Variants in ALPP observed in about 807,000 individuals in gnomAD.
The protein encoded by ALPP is alkaline phosphatase, placental type.
In ALPP, 39 loss-of-function variants were observed where a neutral mutation model predicts 50.7. That is an observed-to-expected ratio of 0.77 (90% CI 0.60 to 1.00). The LOEUF is 1.00. Among genes scored for constraint, ALPP ranks in the 50% least tolerant of loss-of-function variants. ALPP has a pLI of 0.00. For missense variants in ALPP, 550 were observed against 746.8 expected (o/e 0.74, Z 3.07); for synonymous variants, 226 against 320.3 (o/e 0.71, Z 3.14).
chr2:232,381,416 G>T lies in ALPP; in HGVS notation c.1309+49G>T, dbSNP rs765912226. 165 of 1,613,384 alleles carry T rather than the reference G, an allele frequency of 1.0e-4. 7 individuals carry two copies. In the South Asian group the frequency reaches 1.3e-3, roughly 12 times the overall value. On this transcript the variant is annotated intron_variant, in intron 10 of 10. Coordinates refer to ENST00000392027, the MANE Select transcript of ALPP (RefSeq NM_001632.5). ...TGAGGGGGACCAGGGTGCCAAGGAT[G>T]GGGGGCTGGCGGGAAGGGGTCACCT...
Position 232,379,646 on chromosome 2 carries a change from G to T in ALPP, c.443G>T (p.Gly148Val). Reference sequence around the variant, plus strand: ...TTTAACCAGTGCAACACGACACGCGGCAACGAGGTCATCTCCGTGATGAAT... The same window carrying T: ...TTTAACCAGTGCAACACGACACGCGTCAACGAGGTCATCTCCGTGATGAAT... ...ARFNQCNTTR[G>V]NEVISVMNRA... Residue 148 changes from glycine to valine, a missense_variant, in exon 4 of 11, where the codon GGC (glycine) becomes GTC (valine). Around this residue, in one of 5 missense-constraint regions of ALPP, gnomAD observed 376 missense variants for 388.5 expected, o/e 0.97. Coordinates refer to ENST00000392027, the MANE Select transcript of ALPP (RefSeq NM_001632.5). 5.0e-6 allele frequency: 8 copies of T among 1,613,908 alleles called. No homozygotes were observed. Among genetic ancestry groups the T allele is most frequent in the Non-Finnish European group, 6.8e-6 (8 of 1,179,966 alleles).
chr2:232,379,926 T>C lies in ALPP; in HGVS notation c.647T>C (p.Met216Thr), dbSNP rs781328476. The change falls in exon 5 of 11, where the codon ATG becomes ACG. Residue 216 changes from methionine to threonine, a missense_variant. Met to Thr is a moderately conservative substitution (Grantham distance 81). This residue lies in a region of ALPP where 376 missense variants were observed against 388.5 expected (regional missense o/e 0.97). Transcript: ENST00000392027. The part of the protein sequence containing the change: ...QDIATQLISN[M>T]DIDVILGGGR... ...ATCGCTACGCAGCTCATCTCCAACA[T>C]GGACATTGACGTGCGACCCCCAGGC... 1.2e-6 allele frequency: 2 copies of C among 1,608,194 alleles called. No individual in the cohort carries two copies. The highest frequency in any genetic ancestry group is 1.7e-5 in the Admixed American group (1 of 59,798).
Position 232,381,594 on chromosome 2 carries a change from C to T in ALPP, c.1407C>T (p.His469=), listed in dbSNP as rs776123736. 6.2e-7 allele frequency: 1 copy of T among 1,612,604 alleles called. No homozygotes were observed. Among genetic ancestry groups the T allele is most frequent in the South Asian group, 1.1e-5 (1 of 90,864 alleles). Residue 469 remains histidine, a synonymous_variant, in exon 11 of 11, where the codon CAC becomes CAT. Transcript: ENST00000392027. ...VAVFARGPQA[H]LVHGVQEQTF... ...TGTTCGCGCGCGGCCCGCAGGCGCA[C>T]CTGGTTCACGGCGTGCAGGAGCAGA...
Position 232,379,948 on chromosome 2 carries a change from A to G in ALPP, c.657+12A>G, listed in dbSNP as rs552753986. The stretch of plus-strand genomic sequence containing the variant: ...ACATGGACATTGACGTGCGACCCCC[A>G]GGCCAAGGGCTGGGGCTGGGCAGAG... On this transcript the variant is annotated intron_variant, in intron 5 of 10. Coordinates refer to ENST00000392027, the MANE Select transcript of ALPP (RefSeq NM_001632.5). The G allele has an allele frequency of 4.4e-5, 70 of 1,597,372 alleles. No individual in the cohort carries two copies. The highest frequency in any genetic ancestry group is 2.2e-4 in the South Asian group (19 of 87,148).
chr2:232,381,824 C>T lies in ALPP; in HGVS notation c.*29C>T. 1 of 1,539,958 alleles carries T rather than the reference C, an allele frequency of 6.5e-7. No individual in the cohort carries two copies. Among genetic ancestry groups the T allele is most frequent in the Non-Finnish European group, 8.7e-7 (1 of 1,149,618 alleles). On this transcript the variant is annotated 3_prime_UTR_variant, in exon 11 of 11. Transcript: ENST00000392027. ...TCCCGTCCCTGGGGCTCCTGCTTCC[C>T]CATCCCGGAGTTCTCCTGCTCCCCA...
chr2:232,382,066 A>G lies in ALPP; in HGVS notation c.*271A>G. The G allele has an allele frequency of 1.7e-6, 1 of 602,572 alleles. No individual in the cohort carries two copies. The highest frequency in any genetic ancestry group is 3.1e-5 in the Admixed American group (1 of 32,216). The allele number at this position is 602,572 out of a possible 1,614,324, so 37.3% of individuals were successfully genotyped here. A position where few individuals can be genotyped will look rare whatever the true frequency, so the allele number is the denominator to read the frequency against. ...TGCACCCCAGGAAAGGAGGGGGCTC[A>G]GGCCATCCAGCCACCACCTACAGCC... On this transcript the variant is annotated 3_prime_UTR_variant, in exon 11 of 11. Transcript: ENST00000392027.
At chr2:232,380,007 G>T in intron 5 of ALPP, 71 bp downstream of exon 5, 1 of 1,563,024 alleles carries the variant, frequency 6.4e-7, no homozygotes, top group South Asian at 1.2e-5. Context: ...TCAGACCCAG[G>T]CAACCAAAAG....
intron 7 of ALPP, 47 bp from the exon 8 acceptor site, chr2:232,380,576 C>T (rs1372062687): frequency 5.6e-6 from 9 of 1,613,788 alleles, no homozygotes; most frequent in Admixed American, 5.0e-5. Flanking sequence ...CGCCAGCACC[C>T]GCCCACCCCC....
Position 232,378,811 on chromosome 2 carries a change from G to A in ALPP, c.9G>A (p.Gly3=). The change falls in exon 1 of 11, where the codon GGG becomes GGA. Residue 3 remains glycine (G), a synonymous_variant. Transcript: ENST00000392027. ...CCTGCTGCCCTCCAGACATGCTGGG[G>A]CCCTGCATGCTGCTGCTGCTGCTGC... ML[G]PCMLLLLLLL... is the part of the protein sequence containing the mutation. 1 of 1,614,034 alleles carries A rather than the reference G, an allele frequency of 6.2e-7. No homozygotes were observed. Among genetic ancestry groups the A allele is most frequent in the South Asian group, 1.1e-5 (1 of 91,062 alleles).
At chr2:232,379,400 C>T (rs1696660827) in intron 3 of ALPP, 85 bp downstream of exon 3, 2 of 1,589,332 alleles carry the variant, frequency 1.3e-6, no homozygotes, top group South Asian at 1.1e-5. Context: ...GGACCCTAAA[C>T]AGCTGGGGCT....
chr2:232,379,650 C>T lies in ALPP; in HGVS notation c.447C>T (p.Asn149=), dbSNP rs768504378. 64 of 1,613,838 alleles carry T rather than the reference C, an allele frequency of 4.0e-5. No individual in the cohort carries two copies. The highest frequency in any genetic ancestry group is 4.1e-5 in the Non-Finnish European group (48 of 1,179,998). ...ACCAGTGCAACACGACACGCGGCAA[C>T]GAGGTCATCTCCGTGATGAATCGGG... is the stretch of plus-strand genomic sequence containing the variant. The part of the protein sequence containing the change: ...RFNQCNTTRG[N]EVISVMNRAK... The change falls in exon 4 of 11, where the codon AAC becomes AAT. Residue 149 remains asparagine, a synonymous_variant. Coordinates refer to ENST00000392027, the MANE Select transcript of ALPP (RefSeq NM_001632.5).
Position 232,381,695 on chromosome 2 carries a change from G to A in ALPP, c.1508G>A (p.Gly503Asp). Residue 503 changes from glycine (G) to aspartate (D), a missense_variant, in exon 11 of 11, where the codon GGC becomes GAC. Around this residue, in one of 5 missense-constraint regions of ALPP, gnomAD observed 155 missense variants for 167.6 expected, o/e 0.92. Transcript: ENST00000392027. ...YTACDLAPPA[G>D]TTDAAHPGRS... is the part of the protein sequence containing the mutation. ...GCCTGCGACCTGGCGCCCCCCGCCG[G>A]CACCACCGACGCCGCGCACCCGGGG... 1 of 1,608,350 alleles carries A rather than the reference G, an allele frequency of 6.2e-7. No homozygotes were observed. The highest frequency in any genetic ancestry group is 8.5e-7 in the Non-Finnish European group (1 of 1,178,440).
intron 5 of ALPP, 76 bp from the exon 6 acceptor site, chr2:232,380,110 T>C: frequency 6.2e-7 from 1 of 1,602,970 alleles, no homozygotes; most frequent in Admixed American, 1.7e-5. Flanking sequence ...GGGAGGGGAG[T>C]CAGGGGCTGT....
chr2:232,379,183 C>T lies in ALPP; in HGVS notation c.194-17C>T, dbSNP rs771194966. 5.6e-6 allele frequency: 9 copies of T among 1,614,158 alleles called. No individual in the cohort carries two copies. The highest frequency in any genetic ancestry group is 1.3e-5 in the African/African-American group (1 of 75,024). On this transcript the variant is annotated splice_polypyrimidine_tract_variant and intron_variant, in intron 2 of 10. Coordinates refer to ENST00000392027, the MANE Select transcript of ALPP (RefSeq NM_001632.5). ...AGAGCCCTGGGGCCCAAGCCTCACA[C>T]ATTTCTGTTCCTTCAGGGATGGGGG...
At position 232,379,036 on chromosome 2, in the gene ALPP, C is replaced by T. The variant is rs1458486719; in HGVS notation, c.142C>T (p.Leu48=). The change falls in exon 2 of 11, where the codon CTG becomes TTG. Residue 48 remains leucine (L), a synonymous_variant. Coordinates refer to ENST00000392027, the MANE Select transcript of ALPP (RefSeq NM_001632.5). ...AAEALGAAKK[L]QPAQTAAKNL... Reference sequence around the variant, plus strand: ...CGAGGCCCTGGGTGCCGCCAAGAAGCTGCAGCCTGCACAGACAGCCGCCAA... The same window carrying T: ...CGAGGCCCTGGGTGCCGCCAAGAAGTTGCAGCCTGCACAGACAGCCGCCAA... 14 of 1,614,038 alleles carry T rather than the reference C, an allele frequency of 8.7e-6. No homozygotes were observed. Among genetic ancestry groups the T allele is most frequent in the East Asian group, 2.2e-5 (1 of 44,886 alleles).
In ALPP at chr2:232,381,757, G is replaced by A; in HGVS notation, c.1570G>A (p.Gly524Arg). The A allele has an allele frequency of 3.1e-6, 5 of 1,592,528 alleles. No individual in the cohort carries two copies. Residue 524 changes from glycine (G) to arginine (R), a missense_variant, in exon 11 of 11, where the codon GGG becomes AGG. Transcript: ENST00000392027. ...VVPALLPLLAGTLLLLETATA... is the reference protein window; with the variant it reads ...VVPALLPLLARTLLLLETATA... ...CCCCGCGTTGCTTCCTCTGCTGGCC[G>A]GGACCCTGCTGCTGCTGGAGACGGC... is the stretch of plus-strand genomic sequence containing the variant.
In ALPP at chr2:232,379,933, TGACGTGC is replaced by T. The variant is rs778995657; in HGVS notation, c.657+1_657+7del. The T allele has an allele frequency of 7.2e-5, 116 of 1,604,276 alleles. 2 individuals carry two copies. The African/African-American group carries it at 1.2e-3, about 17-fold the overall frequency. ...CGCAGCTCATCTCCAACATGGACAT[TGACGTGC>T]GACCCCCAGGCCAAGGGCTGGGGCT... On this transcript the variant is annotated splice_donor_variant and splice_donor_region_variant and coding_sequence_variant and intron_variant, in exon 5 of 11. Transcript: ENST00000392027. LOFTEE classifies it high-confidence loss of function.
At chr2:232,381,468 CT>C (rs1341039510) in intron 10 of ALPP, 28 bp from the exon 11 acceptor site, 1 of 1,612,524 alleles carries the variant, frequency 6.2e-7, no homozygotes, top group Non-Finnish European at 8.5e-7. Context: ...TGAATGAACC[CT>C]CCTACCGGAA....
rs1297752448 is a variant in ALPP at position 232,381,718 on chromosome 2, G to A, written c.1531G>A (p.Gly511Arg). ...CGGCACCACCGACGCCGCGCACCCG[G>A]GGCGGTCCGTGGTCCCCGCGTTGCT... ...PAGTTDAAHP[G>R]RSVVPALLPL... Residue 511 changes from glycine (G) to arginine (R), a missense_variant, in exon 11 of 11, where the codon GGG (glycine) becomes AGG (arginine). Around this residue, in one of 5 missense-constraint regions of ALPP, gnomAD observed 155 missense variants for 167.6 expected, o/e 0.92. Coordinates refer to ENST00000392027, the MANE Select transcript of ALPP (RefSeq NM_001632.5). 6.2e-7 allele frequency: 1 copy of A among 1,603,314 alleles called. No homozygotes were observed. The highest frequency in any genetic ancestry group is 8.5e-7 in the Non-Finnish European group (1 of 1,176,372).
Sources: allele counts gnomAD v4.1 joint callset, GRCh38; gene constraint gnomAD v4.1.1; regional missense constraint gnomAD v4.1.1; transcripts MANE v1.5; gene names NCBI Gene and HGNC (gene_info 2026-07-23, HGNC 2026-07-21).